The following ATXN7L3 variants were observed in gnomAD, a reference collection of about 807,000 sequenced individuals.
ATXN7L3 encodes the protein ataxin 7 like 3, also known as ataxin-7-like protein 3.
ATXN7L3 carries 6 observed loss-of-function variants against 50.0 expected under a neutral mutation model. That is an observed-to-expected ratio of 0.12 (90% confidence interval 0.07 to 0.24). ATXN7L3 has a LOEUF of 0.24. ATXN7L3 is among the 10% of genes least tolerant of loss of function. The pLI is 1.00. For synonymous variants in ATXN7L3, 198 were observed against 165.8 expected, an observed-to-expected ratio of 1.19 and a Z score of -1.49; for missense variants, 322 against 451.3, an observed-to-expected ratio of 0.71 and a Z score of 2.60.
Position 44,198,130 on chromosome 17 carries a change from G to A in ATXN7L3, c.-60C>T. ...TCATAGCACAGCGGGCGGCAACACG[G>A]CTGCACACACGGGGGTGGGGGTGTT... is the stretch of plus-strand genomic sequence containing the variant. On this transcript the variant is annotated splice_region_variant and 5_prime_UTR_variant, in exon 2 of 13. Coordinates refer to ENST00000587097, the MANE Select transcript of ATXN7L3 (RefSeq NM_001382309.1). The A allele has an allele frequency of 6.5e-7, 1 of 1,546,308 alleles. No homozygotes were observed.
chr17:44,192,015 G>C lies in ATXN7L3; in HGVS notation c.*2248C>G, dbSNP rs1471496819. On this transcript the variant is annotated 3_prime_UTR_variant, in exon 13 of 13. Coordinates refer to ENST00000587097, the MANE Select transcript of ATXN7L3 (RefSeq NM_001382309.1). ...GGGTGGCCCCTGGGCATGCGGGGGG[G>C]AGTGATGCATGGAAGGAAAAGCCAC... is the stretch of plus-strand genomic sequence containing the variant. 1 of 152,946 alleles carries C rather than the reference G, an allele frequency of 6.5e-6. No homozygotes were observed. Among genetic ancestry groups the C allele is most frequent in the Admixed American group, 6.5e-5 (1 of 15,282 alleles). The allele number at this position is 152,946 out of a possible 1,614,324, so 9.5% of individuals were successfully genotyped here.
rs2056070722 is a variant in ATXN7L3, at chr17:44,199,608, C to G, written c.-173G>C. The G allele has an allele frequency of 6.8e-6, 1 of 147,092 alleles. No homozygotes were observed. The highest frequency in any genetic ancestry group is 1.5e-5 in the Non-Finnish European group (1 of 65,818). The allele number at this position is 147,092 out of a possible 1,614,324, so 9.1% of individuals were successfully genotyped here. On this transcript the variant is annotated 5_prime_UTR_variant, in exon 1 of 13. Coordinates refer to ENST00000587097, the MANE Select transcript of ATXN7L3 (RefSeq NM_001382309.1). Reference sequence around the variant, plus strand: ...CATGTCCGTCGGTCCGTCCTCGCCTCTCCCCGGGGCCCAGGGCCCGGGGCC... The same window carrying G: ...CATGTCCGTCGGTCCGTCCTCGCCTGTCCCCGGGGCCCAGGGCCCGGGGCC...
Position 44,192,451 on chromosome 17 carries a change from C to T in ATXN7L3, c.*1812G>A, listed in dbSNP as rs1213830783. On this transcript the variant is annotated 3_prime_UTR_variant, in exon 13 of 13. Coordinates refer to ENST00000587097, the MANE Select transcript of ATXN7L3 (RefSeq NM_001382309.1). ...GTATTAGGGCCTGAGCTGCAGCTGC[C>T]TCTCAGAAGGGAGAGTGGCCCACAG... is the stretch of plus-strand genomic sequence containing the variant. 6.6e-6 allele frequency: 1 copy of T among 152,208 alleles called. No homozygotes were observed. Among genetic ancestry groups the T allele is most frequent in the African/African-American group, 2.4e-5 (1 of 41,434 alleles). 9.4% of individuals were successfully genotyped at this position (152,208 alleles called of 1,614,324 possible). A position where few individuals can be genotyped will look rare whatever the true frequency, so the allele number is the denominator to read the frequency against.
At chr17:44,197,125 C>T (rs1463876757) in intron 4 of ATXN7L3, 99 bp from the exon 5 acceptor site, 15 of 1,549,782 alleles carry the variant, frequency 9.7e-6, no homozygotes, top group Middle Eastern at 2.0e-4. Flanking sequence ...GCAGGTGGAG[C>T]ATCTGGGGCC....
At chr17:44,195,031 T>A (rs2055832628) in intron 10 of ATXN7L3, 66 bp downstream of exon 10, 1 of 1,583,060 alleles carries the variant, frequency 6.3e-7, no homozygotes, top group Admixed American at 1.7e-5. Context: ...CCAGGGGTAC[T>A]CCCAACCCAT....
At chr17:44,198,799 C>A (rs985387711) in intron 1 of ATXN7L3, 1 of 152,422 alleles carries the variant, frequency 6.6e-6, no homozygotes, top group African/African-American at 2.4e-5. Flanking sequence ...CTCCCCTTAC[C>A]TGTTCTTCCT....
chr17:44,197,511 G>A (rs1167375969), intron 3 of ATXN7L3, 87 bp downstream of exon 3: 2 of 1,596,414 alleles, frequency 1.3e-6, no homozygotes, highest in Non-Finnish European at 1.7e-6. Context: ...AGCTCCAGGT[G>A]CTACATCTAG....
In ATXN7L3 at chr17:44,191,809, A is replaced by T; in HGVS notation, c.*2454T>A. On this transcript the variant is annotated 3_prime_UTR_variant, in exon 13 of 13. Coordinates refer to ENST00000587097, the MANE Select transcript of ATXN7L3 (RefSeq NM_001382309.1). ...TGAGAGTAGGTAGGCCGGGGCTACC[A>T]ACGGGAGATGCAGTTTATTTACACC... 3 of 870,368 alleles carry T rather than the reference A, an allele frequency of 3.4e-6. No individual in the cohort carries two copies. The highest frequency in any genetic ancestry group is 4.1e-6 in the Non-Finnish European group (3 of 724,928). 53.9% of individuals were successfully genotyped at this position (870,368 alleles called of 1,614,324 possible).
rs1277493515 is a variant in ATXN7L3 at position 44,194,856 on chromosome 17, G to A, written c.666-17C>T. The A allele has an allele frequency of 6.2e-7, 1 of 1,613,732 alleles. No homozygotes were observed. The highest frequency in any genetic ancestry group is 8.5e-7 in the Non-Finnish European group (1 of 1,179,836). Reference sequence around the variant, plus strand: ...CGCAGGGACCTGGTGGTGAGGCAAGGCAGGGAGGGTTCTGAGGAACTCAGG... The same window carrying A: ...CGCAGGGACCTGGTGGTGAGGCAAGACAGGGAGGGTTCTGAGGAACTCAGG... On this transcript the variant is annotated splice_polypyrimidine_tract_variant and intron_variant, in intron 10 of 12. Transcript: ENST00000587097.
intron 3 of ATXN7L3, 40 bp from the exon 4 acceptor site, chr17:44,197,439 C>CCT: frequency 6.4e-7 from 1 of 1,574,132 alleles, no homozygotes; most frequent in South Asian, 1.2e-5. Flanking sequence ...TGGGCAGGAC[C>CCT]CTCTCCTCTT....
In ATXN7L3 at chr17:44,196,385, C is replaced by G; in HGVS notation, c.477+11G>C. On this transcript the variant is annotated intron_variant, in intron 6 of 12. Coordinates refer to ENST00000587097, the MANE Select transcript of ATXN7L3 (RefSeq NM_001382309.1). ...ACCCATTATTTCCCCAATGCCTGGC[C>G]CGGCTCTCACCTTGTCTGACTTTCT... is the stretch of plus-strand genomic sequence containing the variant. 6.2e-7 allele frequency: 1 copy of G among 1,613,976 alleles called. No homozygotes were observed. The highest frequency in any genetic ancestry group is 8.5e-7 in the Non-Finnish European group (1 of 1,179,998).
chr17:44,196,840 C>T, intron 5 of ATXN7L3, 89 bp downstream of exon 5: 1 of 726,054 alleles, frequency 1.4e-6, no homozygotes, highest in East Asian at 3.3e-5. Context: ...CTTCATCATT[C>T]AAGGCAACAA....
chr17:44,192,458 A>G lies in ATXN7L3; in HGVS notation c.*1805T>C, dbSNP rs944950311. 1.3e-5 allele frequency: 2 copies of G among 152,168 alleles called. No individual in the cohort carries two copies. The highest frequency in any genetic ancestry group is 2.9e-5 in the Non-Finnish European group (2 of 68,072). 9.4% of individuals were successfully genotyped at this position (152,168 alleles called of 1,614,324 possible). A position where few individuals can be genotyped will look rare whatever the true frequency, so the allele number is the denominator to read the frequency against. ...GGCCTGAGCTGCAGCTGCCTCTCAG[A>G]AGGGAGAGTGGCCCACAGCCTTCCT... is the stretch of plus-strand genomic sequence containing the variant. On this transcript the variant is annotated 3_prime_UTR_variant, in exon 13 of 13. Coordinates refer to ENST00000587097, the MANE Select transcript of ATXN7L3 (RefSeq NM_001382309.1).
At chr17:44,194,494 T>G in intron 12 of ATXN7L3, 23 bp downstream of exon 12, 1 of 1,613,242 alleles carries the variant, frequency 6.2e-7, no homozygotes, top group East Asian at 2.2e-5. Flanking sequence ...ACAGAGCCCC[T>G]AGGGCCCAAC....
intron 1 of ATXN7L3, 60 bp downstream of exon 1, chr17:44,199,436 G>A (rs1016716709): frequency 5.4e-5 from 3 of 55,614 alleles, no homozygotes; most frequent in African/African-American, 2.0e-4. Flanking sequence ...CTTGGGCCCC[G>A]CCCCCCGCCC....
chr17:44,195,957 G>C, intron 7 of ATXN7L3, 77 bp downstream of exon 7: 1 of 1,570,318 alleles, frequency 6.4e-7, no homozygotes. Context: ...CCTATCCCCG[G>C]GCCCCACCTC....
At position 44,196,421 on chromosome 17, in the gene ATXN7L3, G is replaced by A. The variant is rs780162241; in HGVS notation, c.455-3C>T. 3.7e-5 allele frequency: 59 copies of A among 1,613,918 alleles called. No individual in the cohort carries two copies. The Middle Eastern group carries it at 8.2e-4, about 22-fold the overall frequency. On this transcript the variant is annotated splice_region_variant and splice_polypyrimidine_tract_variant and intron_variant, in intron 5 of 12. Coordinates refer to ENST00000587097, the MANE Select transcript of ATXN7L3 (RefSeq NM_001382309.1). Reference sequence around the variant, plus strand: ...CTTGTCTGACTTTCTCTTCTTGGCTGTGGGAAACAAAAGCATAAAGAGCAG... The same window carrying A: ...CTTGTCTGACTTTCTCTTCTTGGCTATGGGAAACAAAAGCATAAAGAGCAG...
chr17:44,199,642 G>A lies in ATXN7L3; in HGVS notation c.-207C>T, dbSNP rs1210690637. On this transcript the variant is annotated 5_prime_UTR_variant, in exon 1 of 13. Transcript: ENST00000587097. ...GCCCAGGGCCCGGGGCCGGGGGGTC[G>A]GGCCGCCCCCCCGCCTGGCCGCCTC... 6.9e-6 allele frequency: 1 copy of A among 144,844 alleles called. No individual in the cohort carries two copies. The highest frequency in any genetic ancestry group is 1.5e-5 in the Non-Finnish European group (1 of 65,068). 9.0% of individuals were successfully genotyped at this position (144,844 alleles called of 1,614,324 possible).
chr17:44,197,914 A>G lies in ATXN7L3; in HGVS notation c.51+106T>C. On this transcript the variant is annotated intron_variant, in intron 2 of 12. Coordinates refer to ENST00000587097, the MANE Select transcript of ATXN7L3 (RefSeq NM_001382309.1). ...CTTTTTCAGCTGGCTATTCCCTTTA[A>G]GGAACAAGGCTGACTACCCAAATTC... 2.0e-6 allele frequency: 3 copies of G among 1,524,148 alleles called. No homozygotes were observed. The South Asian group carries it at 3.4e-5, about 17-fold the overall frequency. The allele number at this position is 1,524,148 out of a possible 1,614,324, so 94.4% of individuals were successfully genotyped here.
Sources: allele counts gnomAD v4.1 joint callset, GRCh38; gene constraint gnomAD v4.1.1; transcripts MANE v1.5; gene names NCBI Gene and HGNC (gene_info 2026-07-23, HGNC 2026-07-21).